CHL1: variants seen among roughly 807,000 people sequenced by gnomAD.
CHL1 encodes the protein neural cell adhesion molecule L1-like protein.
CHL1 carries 96 observed loss-of-function variants against 141.9 expected under a neutral mutation model. That is an observed-to-expected ratio of 0.68 (90% CI 0.57 to 0.80). The LOEUF (loss-of-function observed/expected upper bound fraction) is 0.80. Ranked by LOEUF, CHL1 falls within the 30% of genes least tolerant of loss-of-function variation. The pLI, the probability that CHL1 is intolerant of heterozygous loss-of-function variation, is 0.00. For synonymous variants in CHL1, 613 were observed against 502.2 expected, an observed-to-expected ratio of 1.22 and a Z score of -2.95; for missense variants, 1,820 against 1,457.2, an observed-to-expected ratio of 1.25 and a Z score of -4.05.
intron 3 of CHL1, 78 bp from the exon 4 acceptor site, chr3:325,881 T>G (rs1345143119): frequency 1.1e-6 from 1 of 882,490 alleles, no homozygotes; most frequent in African/African-American, 1.7e-5. Flanking sequence ...ACAAAAGAGG[T>G]TTAAAGTGTT....
At position 365,399 on chromosome 3, in the gene CHL1, A is replaced by G. The variant is rs544469810; in HGVS notation, c.1586-551A>G. Among the ~76,000 whole-genome samples, 293 of 152,268 alleles carry G rather than the reference A, an allele frequency of 1.9e-3. 2 individuals are homozygous for G. The highest frequency in any genetic ancestry group is 6.6e-3 in the African/African-American group (276 of 41,544). ...ACTTAACACTATGTATTGAATGCCTACGGTGTACAGGCTCCCTTCTAGGCT... is the reference window on the plus strand; with the variant it reads ...ACTTAACACTATGTATTGAATGCCTGCGGTGTACAGGCTCCCTTCTAGGCT... On this transcript the variant is annotated intron_variant, in intron 14 of 27. Transcript: ENST00000256509.
chr3:217,075 C>A (rs1279181087), intron 1 of CHL1, among the ~76,000 whole-genome samples: 2 of 152,120 alleles, frequency 1.3e-5, no homozygotes, highest in Non-Finnish European at 2.9e-5. Context: ...GATTTTCCCC[C>A]ACCCTTTGGT....
intron 2 of CHL1, among the ~76,000 whole-genome samples, chr3:265,197 T>C (rs1280023000): frequency 6.6e-6 from 1 of 152,198 alleles, no homozygotes; most frequent in Non-Finnish European, 1.5e-5. Context: ...TTCACATTCT[T>C]GCTTCCATTA....
chr3:398,983 G>A, intron 25 of CHL1, 34 bp from the exon 26 acceptor site: 6 of 1,601,846 alleles, frequency 3.7e-6, no homozygotes, highest in East Asian at 2.2e-5. Flanking sequence ...ACTGTTTCTA[G>A]TTTACAATGC....
intron 1 of CHL1, among the ~76,000 whole-genome samples, chr3:223,505 G>C (rs1701048914): frequency 6.6e-6 from 1 of 152,118 alleles, no homozygotes; most frequent in African/African-American, 2.4e-5. Flanking sequence ...GAAGGTTGTT[G>C]CAATTATTAA....
rs1016526800 is a variant in CHL1 at position 360,535 on chromosome 3, A to C, written c.1306+111A>C. 6 of 1,090,510 alleles carry C rather than the reference A, an allele frequency of 5.5e-6. No homozygotes were observed. In the East Asian group the frequency reaches 9.9e-5, roughly 18 times the overall value. The allele number at this position is 1,090,510 out of a possible 1,614,324, so 67.6% of individuals were successfully genotyped here. On this transcript the variant is annotated intron_variant, in intron 12 of 27. Transcript: ENST00000256509. ...CACATAATATATGGAGGGAAAAATC[A>C]AACTACTTTTCACCATACATTTGAG... is the stretch of plus-strand genomic sequence containing the variant.
chr3:297,255 AG>A (rs1459936438), intron 2 of CHL1, among the ~76,000 whole-genome samples: 3 of 152,140 alleles, frequency 2.0e-5, no homozygotes, highest in Admixed American at 6.5e-5. Context: ...AATAAATATA[AG>A]GGATAAGTAG....
Position 251,020 on chromosome 3 carries a change from T to C in CHL1, c.-95+6328T>C, listed in dbSNP as rs560491791. Among the ~76,000 whole-genome samples the C allele has an allele frequency of 2.0e-5, 3 of 152,138 alleles. No individual in the cohort carries two copies. In the South Asian group the frequency reaches 6.2e-4, roughly 32 times the overall value. On this transcript the variant is annotated intron_variant, in intron 2 of 27. Transcript: ENST00000256509. ...GCTTATAATCTTATAAAGGCAGATA[T>C]GTTATTCAAGTTATAATGCAAACAA...
rs147706283 is a variant in CHL1, at chr3:358,567, G to C, written c.1166-1717G>C. 5.4e-4 allele frequency among the ~76,000 whole-genome samples: 82 copies of C among 152,232 alleles called. 1 individual carries two copies. The highest frequency in any genetic ancestry group is 3.4e-3 in the Middle Eastern group (1 of 294). Reference sequence around the variant, plus strand: ...CTTACAGGGGCCTTTCAGGAATAAAGGTTACCCAACCTAACATTTTAAGTC... The same window carrying C: ...CTTACAGGGGCCTTTCAGGAATAAACGTTACCCAACCTAACATTTTAAGTC... On this transcript the variant is annotated intron_variant, in intron 11 of 27. Coordinates refer to ENST00000256509, the MANE Select transcript of CHL1 (RefSeq NM_006614.4).
At chr3:298,804 G>A (rs749592457) in intron 2 of CHL1, among the ~76,000 whole-genome samples, 1 of 152,164 alleles carries the variant, frequency 6.6e-6, no homozygotes, top group Non-Finnish European at 1.5e-5. Context: ...TGGATACAGA[G>A]ATTAGCAAAA....
chr3:240,777 G>T (rs1233854336), intron 1 of CHL1, among the ~76,000 whole-genome samples: 1 of 115,866 alleles, frequency 8.6e-6, no homozygotes, highest in African/African-American at 2.6e-5. Context: ...TTTGTATAAG[G>T]TAGGAGATGA....
At chr3:222,610 A>G (rs331855) in intron 1 of CHL1, among the ~76,000 whole-genome samples, 60,404 of 151,630 alleles carry the variant, frequency 0.4, 12,273 homozygotes, top group South Asian at 0.58. Flanking sequence ...GGACTTGTAA[A>G]TGATTTGGAA....
At chr3:327,017 A>T (rs992571170) in intron 4 of CHL1, among the ~76,000 whole-genome samples, 1 of 151,928 alleles carries the variant, frequency 6.6e-6, no homozygotes, top group Non-Finnish European at 1.5e-5. Flanking sequence ...TATTCAATCA[A>T]TATGGATATA....
chr3:310,821 A>G (rs1460713194), intron 2 of CHL1, among the ~76,000 whole-genome samples: 1 of 152,226 alleles, frequency 6.6e-6, no homozygotes, highest in Non-Finnish European at 1.5e-5. Context: ...ATAGTGACAC[A>G]TATCCACAAT....
chr3:300,188 A>T (rs1035969223), intron 2 of CHL1, among the ~76,000 whole-genome samples: 2 of 152,220 alleles, frequency 1.3e-5, no homozygotes, highest in African/African-American at 4.8e-5. Flanking sequence ...ACTTGCTGTG[A>T]CCATTGAGGG....
intron 2 of CHL1, among the ~76,000 whole-genome samples, chr3:257,906 A>G (rs1694327464): frequency 6.6e-6 from 1 of 152,190 alleles, no homozygotes; most frequent in Admixed American, 6.5e-5. Context: ...GAAATCATTG[A>G]ATTTATTTGT....
chr3:216,079 G>C (rs1165633124), intron 1 of CHL1, among the ~76,000 whole-genome samples: 1 of 152,048 alleles, frequency 6.6e-6, no homozygotes, highest in Non-Finnish European at 1.5e-5. Context: ...ATACAAACCT[G>C]GCTGCCAAAA....
chr3:372,847 G>A (rs1439830506), intron 15 of CHL1, among the ~76,000 whole-genome samples: 1 of 150,992 alleles, frequency 6.6e-6, no homozygotes, highest in Admixed American at 6.6e-5. Context: ...TCTTTCAATG[G>A]TCAGGTCTAC....
chr3:328,083 T>C (rs1229378621), intron 4 of CHL1, 84 bp from the exon 5 acceptor site: 1 of 1,037,270 alleles, frequency 9.6e-7, no homozygotes, highest in Non-Finnish European at 1.4e-6. Context: ...GTCTTGGTTT[T>C]GTCAATTTTA....
Sources: gnomAD v4.1 joint callset for allele counts (sites outside exome capture counted in the v4.1 genomes callset) on GRCh38, gnomAD v4.1.1 for gene constraint, MANE v1.5 for transcripts, NCBI Gene and HGNC (gene_info 2026-07-23, HGNC 2026-07-21) for gene names.